KCNQ1OT1: variants seen among roughly 807,000 people sequenced by gnomAD.
KCNQ1OT1 encodes KCNQ1 antisense RNA 2 (non-protein coding).
chr11:2,667,141 G>A lies in KCNQ1OT1; in HGVS notation n.32854C>T, dbSNP rs1018121113. 158 of 398,540 alleles carry A rather than the reference G, an allele frequency of 4.0e-4. 1 individual carries two copies. The highest frequency in any genetic ancestry group is 6.2e-4 in the Non-Finnish European group (140 of 226,108). The allele number at this position is 398,540 out of a possible 1,614,324, so 24.7% of individuals were successfully genotyped here. On this transcript the variant is annotated non_coding_transcript_exon_variant, in exon 1 of 1. Transcript: ENST00000597346. ...GGCTCAGTGGGAAAGAGATGGGATTGGGAATCAGATGCCCTCAATCTGGCT... is the reference window on the plus strand; with the variant it reads ...GGCTCAGTGGGAAAGAGATGGGATTAGGAATCAGATGCCCTCAATCTGGCT...
At position 2,617,849 on chromosome 11, in the gene KCNQ1OT1, C is replaced by T. The variant is rs1457978286; in HGVS notation, n.82146G>A. ...TATAACTTCTTTGCAAAAATGTCTA[C>T]TCAGTTCCACTGCCCATTTTTTAAT... On this transcript the variant is annotated non_coding_transcript_exon_variant, in exon 1 of 1. Coordinates refer to ENST00000597346, the Ensembl canonical transcript of KCNQ1OT1. The surrounding 1 kb of genome is among the most constrained non-coding windows in gnomAD (Gnocchi z 4.6). 5.0e-6 allele frequency: 2 copies of T among 398,384 alleles called. No homozygotes were observed. The highest frequency in any genetic ancestry group is 8.8e-6 in the Non-Finnish European group (2 of 226,010). 24.7% of individuals were successfully genotyped at this position (398,384 alleles called of 1,614,324 possible).
rs916413087 is a variant in KCNQ1OT1 at position 2,651,188 on chromosome 11, C to T, written n.48807G>A. On this transcript the variant is annotated non_coding_transcript_exon_variant, in exon 1 of 1. Transcript: ENST00000597346. The surrounding 1 kb of genome is among the most constrained non-coding windows in gnomAD (Gnocchi z 6.1). ...TTGCTGCTTCCCTACTCAAATGTTC[C>T]GACAGCTTCCTGTCACCCTGTCTTG... is the stretch of plus-strand genomic sequence containing the variant. 7 of 397,336 alleles carry T rather than the reference C, an allele frequency of 1.8e-5. No individual in the cohort carries two copies. The highest frequency in any genetic ancestry group is 2.6e-4 in the South Asian group (2 of 7,766). 24.6% of individuals were successfully genotyped at this position (397,336 alleles called of 1,614,324 possible).
In KCNQ1OT1 at chr11:2,646,040, C is replaced by T. The variant is rs148959077; in HGVS notation, n.53955G>A. ...CTCACTTACTTACCTTTCTGCACATCGAGGAGTCTCTTCATGATCCCAGCC... is the reference window on the plus strand; with the variant it reads ...CTCACTTACTTACCTTTCTGCACATTGAGGAGTCTCTTCATGATCCCAGCC... On this transcript the variant is annotated non_coding_transcript_exon_variant, in exon 1 of 1. Coordinates refer to ENST00000597346, the Ensembl canonical transcript of KCNQ1OT1. 343 of 398,636 alleles carry T rather than the reference C, an allele frequency of 8.6e-4. 1 individual carries two copies. The highest frequency in any genetic ancestry group is 6.5e-3 in the African/African-American group (318 of 48,722). The allele number at this position is 398,636 out of a possible 1,614,324, so 24.7% of individuals were successfully genotyped here. A position where few individuals can be genotyped will look rare whatever the true frequency, so the allele number is the denominator to read the frequency against.
Position 2,624,996 on chromosome 11 carries a change from T to G in KCNQ1OT1, n.74999A>C, listed in dbSNP as rs935532248. 1 of 398,542 alleles carries G rather than the reference T, an allele frequency of 2.5e-6. No individual in the cohort carries two copies. The allele number at this position is 398,542 out of a possible 1,614,324, so 24.7% of individuals were successfully genotyped here. A position where few individuals can be genotyped will look rare whatever the true frequency, so the allele number is the denominator to read the frequency against. Reference sequence around the variant, plus strand: ...GCTTATCCATTCTTCCATGGACATTTGGGTTGCATTGATGTTTTAACTGTT... The same window carrying G: ...GCTTATCCATTCTTCCATGGACATTGGGGTTGCATTGATGTTTTAACTGTT... On this transcript the variant is annotated non_coding_transcript_exon_variant, in exon 1 of 1. Coordinates refer to ENST00000597346, the Ensembl canonical transcript of KCNQ1OT1. The surrounding 1 kb of genome is among the most constrained non-coding windows in gnomAD (Gnocchi z 4.9).
At position 2,671,667 on chromosome 11, in the gene KCNQ1OT1, A is replaced by C. The variant is rs943493246; in HGVS notation, n.28328T>G. 1.8e-5 allele frequency: 7 copies of C among 385,336 alleles called. No homozygotes were observed. The highest frequency in any genetic ancestry group is 9.7e-5 in the Admixed American group (2 of 20,662). 23.9% of individuals were successfully genotyped at this position (385,336 alleles called of 1,614,324 possible). On this transcript the variant is annotated non_coding_transcript_exon_variant, in exon 1 of 1. Transcript: ENST00000597346. The surrounding 1 kb of genome is among the most constrained non-coding windows in gnomAD (Gnocchi z 4.7). ...CCCTGCTGGGGAAACTGAGGCAGAG[A>C]GCAGGGGTGACTTTGCAAGGCAATA...
At chr11:2,622,165 G>A (rs1849184046) in exon 1 of KCNQ1OT1, 3 of 398,168 alleles carry the variant, frequency 7.5e-6, no homozygotes, top group African/African-American at 2.1e-5. Flanking sequence ...AAGTCCCTAA[G>A]TATTATTGTA....
chr11:2,642,259 G>GT lies in KCNQ1OT1; in HGVS notation n.57735dup, dbSNP rs558895975. 63 of 398,184 alleles carry GT rather than the reference G, an allele frequency of 1.6e-4. No homozygotes were observed. The highest frequency in any genetic ancestry group is 2.5e-4 in the Non-Finnish European group (57 of 225,892). 24.7% of individuals were successfully genotyped at this position (398,184 alleles called of 1,614,324 possible). A position where few individuals can be genotyped will look rare whatever the true frequency, so the allele number is the denominator to read the frequency against. The stretch of plus-strand genomic sequence containing the variant: ...TTCTCCCAATCCATGAGAATGGGAT[G>GT]TTTTTTGTGTGTTCTTTTCAATTTC... On this transcript the variant is annotated non_coding_transcript_exon_variant, in exon 1 of 1. Transcript: ENST00000597346. This position sits in a 1 kb window ranked among gnomAD's most constrained non-coding sequence, Gnocchi z 4.3.
exon 1 of KCNQ1OT1, chr11:2,693,498 T>G: frequency 2.5e-6 from 1 of 398,698 alleles, no homozygotes; most frequent in Non-Finnish European, 4.4e-6. Flanking sequence ...GAAAGGCCTT[T>G]TAGATCCATT....
At chr11:2,614,350 C>G (rs947128436) in exon 1 of KCNQ1OT1, 3 of 398,148 alleles carry the variant, frequency 7.5e-6, no homozygotes, top group Non-Finnish European at 1.3e-5. Flanking sequence ...TTCTGTGCAC[C>G]CTTTAAATTT....
Position 2,664,508 on chromosome 11 carries a change from C to A in KCNQ1OT1, n.35487G>T. On this transcript the variant is annotated non_coding_transcript_exon_variant, in exon 1 of 1. Coordinates refer to ENST00000597346, the Ensembl canonical transcript of KCNQ1OT1. The surrounding 1 kb of genome is among the most constrained non-coding windows in gnomAD (Gnocchi z 5.1). ...GGGAGAAGGCTGGCAGCAGTGGGCACCCTGTTTCCTCAGGGCCCAAACCGC... is the reference window on the plus strand; with the variant it reads ...GGGAGAAGGCTGGCAGCAGTGGGCAACCTGTTTCCTCAGGGCCCAAACCGC... 1 of 398,784 alleles carries A rather than the reference C, an allele frequency of 2.5e-6. No individual in the cohort carries two copies. The allele number at this position is 398,784 out of a possible 1,614,324, so 24.7% of individuals were successfully genotyped here. A position where few individuals can be genotyped will look rare whatever the true frequency, so the allele number is the denominator to read the frequency against.
chr11:2,676,357 C>T lies in KCNQ1OT1; in HGVS notation n.23638G>A, dbSNP rs1850294335. On this transcript the variant is annotated non_coding_transcript_exon_variant, in exon 1 of 1. Coordinates refer to ENST00000597346, the Ensembl canonical transcript of KCNQ1OT1. This position sits in a 1 kb window ranked among gnomAD's most constrained non-coding sequence, Gnocchi z 4.2. ...GAAGTGCTGTTTTCTCATGGTTGGGCTTCCAGTATAATTGGAAGGAGCATA... is the reference window on the plus strand; with the variant it reads ...GAAGTGCTGTTTTCTCATGGTTGGGTTTCCAGTATAATTGGAAGGAGCATA... 1 of 398,508 alleles carries T rather than the reference C, an allele frequency of 2.5e-6. No individual in the cohort carries two copies. Among genetic ancestry groups the T allele is most frequent in the African/African-American group, 2.1e-5 (1 of 48,628 alleles). 24.7% of individuals were successfully genotyped at this position (398,508 alleles called of 1,614,324 possible). A position where few individuals can be genotyped will look rare whatever the true frequency, so the allele number is the denominator to read the frequency against.
rs1417341741 is a variant in KCNQ1OT1 at position 2,621,507 on chromosome 11, C to G, written n.78488G>C. The G allele has an allele frequency of 2.5e-6, 1 of 398,390 alleles. No homozygotes were observed. The highest frequency in any genetic ancestry group is 4.4e-6 in the Non-Finnish European group (1 of 226,036). 24.7% of individuals were successfully genotyped at this position (398,390 alleles called of 1,614,324 possible). Reference sequence around the variant, plus strand: ...TCCCATTCTATATGTTGTCTGTTTACTCTGTTGATAATTTCTTTTGCTATG... The same window carrying G: ...TCCCATTCTATATGTTGTCTGTTTAGTCTGTTGATAATTTCTTTTGCTATG... On this transcript the variant is annotated non_coding_transcript_exon_variant, in exon 1 of 1. Transcript: ENST00000597346. The surrounding 1 kb of genome is among the most constrained non-coding windows in gnomAD (Gnocchi z 5.7).
exon 1 of KCNQ1OT1, chr11:2,616,309 G>A: frequency 2.5e-6 from 1 of 396,922 alleles, no homozygotes; most frequent in Non-Finnish European, 4.4e-6. Context: ...CTAGTTAAAG[G>A]TTTTCAACTT....
At position 2,627,781 on chromosome 11, in the gene KCNQ1OT1, C is replaced by T. The variant is rs1383224777; in HGVS notation, n.72214G>A. ...TTCCTTTCTTTTTGAGACAGGGTCT[C>T]CATCTGTCATCCAGGCAGGAGTACA... On this transcript the variant is annotated non_coding_transcript_exon_variant, in exon 1 of 1. Transcript: ENST00000597346. The surrounding 1 kb of genome is among the most constrained non-coding windows in gnomAD (Gnocchi z 4.9). 2.5e-6 allele frequency: 1 copy of T among 398,250 alleles called. No homozygotes were observed. The highest frequency in any genetic ancestry group is 4.4e-6 in the Non-Finnish European group (1 of 226,060). The allele number at this position is 398,250 out of a possible 1,614,324, so 24.7% of individuals were successfully genotyped here.
chr11:2,689,268 C>T (rs780455938), exon 1 of KCNQ1OT1: 1 of 398,742 alleles, frequency 2.5e-6, no homozygotes, highest in Non-Finnish European at 4.4e-6. Flanking sequence ...TTCCTATCAG[C>T]CTTTGCACAG....
chr11:2,622,467 G>A (rs975653428), exon 1 of KCNQ1OT1: 10 of 398,188 alleles, frequency 2.5e-5, no homozygotes, highest in Non-Finnish European at 4.0e-5. Context: ...GTTATATACA[G>A]CATAGGTTGA....
At chr11:2,666,975 G>A (rs1047894707) in exon 1 of KCNQ1OT1, 12 of 398,594 alleles carry the variant, frequency 3.0e-5, no homozygotes, top group Non-Finnish European at 3.5e-5. Context: ...CTGGGGGCCC[G>A]CCCGGGAGGG....
chr11:2,628,594 C>G (rs903469268), exon 1 of KCNQ1OT1: 3 of 398,268 alleles, frequency 7.5e-6, no homozygotes, highest in African/African-American at 2.1e-5. Context: ...CATGTGCTGC[C>G]TTTTCATTTT....
exon 1 of KCNQ1OT1, chr11:2,686,763 G>A: frequency 2.5e-6 from 1 of 398,656 alleles, no homozygotes; most frequent in East Asian, 3.6e-5. Flanking sequence ...TTGTAAATGT[G>A]CATCCCCTGT....
Sources: gnomAD v4.1 joint callset for allele counts on GRCh38, gnomAD v4.1.1 for gene constraint, Gnocchi (gnomAD v3.1) non-coding constraint, MANE v1.5 for transcripts, NCBI Gene and HGNC (gene_info 2026-07-23, HGNC 2026-07-21) for gene names.